The following DPH6 variants were observed in gnomAD, a reference collection of about 807,000 sequenced individuals.
DPH6 encodes diphthine--ammonia ligase.
Under a neutral mutation model 38.2 loss-of-function variants are expected in DPH6, and 33 were observed. That is an observed-to-expected ratio of 0.86 (90% CI 0.65 to 1.15). The LOEUF is 1.15. DPH6 is among the 50% of genes most tolerant of loss of function. DPH6 has a pLI of 0.00. For missense variants in DPH6, 325 were observed against 320.0 expected, an observed-to-expected ratio of 1.02 and a Z score of -0.12; for synonymous variants, 108 against 103.0, an observed-to-expected ratio of 1.05 and a Z score of -0.30.
intron 1 of DPH6, 90 bp from the exon 2 acceptor site, chr15:35,542,597 T>G (rs549199203): frequency 8.2e-7 from 1 of 1,216,624 alleles, no homozygotes; most frequent in East Asian, 2.4e-5. Flanking sequence ...AACATATCAT[T>G]TACTTGACTC....
intron 3 of DPH6, among the ~76,000 whole-genome samples, chr15:35,476,654 A>G (rs1422623525): frequency 6.6e-6 from 1 of 151,822 alleles, no homozygotes; most frequent in Non-Finnish European, 1.5e-5. Context: ...CTTCATGATT[A>G]CAAACTCATC....
chr15:35,259,951 C>A (rs1380726168), intron 3 of DPH6, among the ~76,000 whole-genome samples: 1 of 152,070 alleles, frequency 6.6e-6, no homozygotes, highest in Admixed American at 6.5e-5. Context: ...GACATAAGAC[C>A]TACATAAAGC....
chr15:35,261,881 A>G (rs192838614), intron 3 of DPH6, among the ~76,000 whole-genome samples: 48 of 152,280 alleles, frequency 3.2e-4, no homozygotes, highest in Admixed American at 2.9e-3. Context: ...AAAGAATGGA[A>G]ATTTTAAGTT....
chr15:35,261,587 C>G (rs1359596308), intron 3 of DPH6, among the ~76,000 whole-genome samples: 2 of 151,930 alleles, frequency 1.3e-5, no homozygotes, highest in Admixed American at 1.3e-4. Flanking sequence ...AATCCCAACA[C>G]TTTGGGAGGC....
intron 3 of DPH6, among the ~76,000 whole-genome samples, chr15:35,303,056 T>C (rs902704908): frequency 6.6e-6 from 1 of 152,034 alleles, no homozygotes; most frequent in African/African-American, 2.4e-5. Context: ...CCCCAAAGGG[T>C]TGAGTTTCCT....
chr15:35,198,047 G>A, the DPH6 span, among the ~76,000 whole-genome samples: 2 of 151,682 alleles, frequency 1.3e-5, no homozygotes, highest in Non-Finnish European at 2.9e-5. Context: ...AAAACAACAA[G>A]CAAAACTAAT....
At chr15:35,233,191 C>T (rs561613220) in intron 3 of DPH6, among the ~76,000 whole-genome samples, 1 of 152,200 alleles carries the variant, frequency 6.6e-6, no homozygotes, top group South Asian at 2.1e-4. Context: ...CACCTGTAAT[C>T]CCAGCTACTC....
At chr15:35,295,819 T>C (rs561194430) in intron 3 of DPH6, among the ~76,000 whole-genome samples, 39 of 152,280 alleles carry the variant, frequency 2.6e-4, no homozygotes, top group African/African-American at 9.4e-4. Flanking sequence ...TTGAATGAAG[T>C]CAGGTAAATA....
chr15:35,259,634 C>T (rs979205217), intron 3 of DPH6, among the ~76,000 whole-genome samples: 7 of 152,212 alleles, frequency 4.6e-5, no homozygotes, highest in Admixed American at 1.3e-4. Context: ...ATGTTTACTA[C>T]ACAGAATGCA....
At chr15:35,193,522 T>C in the DPH6 span, among the ~76,000 whole-genome samples, 4 of 152,164 alleles carry the variant, frequency 2.6e-5, no homozygotes, top group African/African-American at 9.6e-5. Context: ...TAGATGCTCA[T>C]GGCAGTTGTT....
chr15:35,145,348 T>C, the DPH6 span, among the ~76,000 whole-genome samples: 15 of 152,356 alleles, frequency 9.8e-5, no homozygotes, highest in African/African-American at 3.4e-4. Flanking sequence ...TTTACTTTCC[T>C]AGTGTCCTTT....
intron 3 of DPH6, among the ~76,000 whole-genome samples, chr15:35,336,050 C>G (rs1595485190): frequency 6.6e-6 from 1 of 151,822 alleles, no homozygotes; most frequent in Non-Finnish European, 1.5e-5. Context: ...CCTCTGATTT[C>G]TTTGAGCAGT....
intron 1 of DPH6, among the ~76,000 whole-genome samples, chr15:35,545,788 G>C (rs2055339211): frequency 6.6e-6 from 1 of 152,124 alleles, no homozygotes; most frequent in Admixed American, 6.5e-5. Context: ...TCAGACGCCG[G>C]GTCGCACAGA....
intron 3 of DPH6, among the ~76,000 whole-genome samples, chr15:35,258,901 C>G (rs1258591998): frequency 6.6e-6 from 1 of 152,156 alleles, no homozygotes; most frequent in African/African-American, 2.4e-5. Context: ...GTAACCCCAG[C>G]ACTTTGGGCG....
intron 3 of DPH6, among the ~76,000 whole-genome samples, chr15:35,470,977 T>G (rs535405804): frequency 6.6e-6 from 1 of 151,784 alleles, no homozygotes; most frequent in Non-Finnish European, 1.5e-5. Flanking sequence ...GAAAAAAAAA[T>G]AGAGAAATAG....
intron 3 of DPH6, among the ~76,000 whole-genome samples, chr15:35,262,834 C>G (rs957158290): frequency 1.3e-5 from 2 of 151,364 alleles, no homozygotes; most frequent in African/African-American, 4.9e-5. Flanking sequence ...GAGATCTTTA[C>G]CAAAGTACCT....
chr15:35,243,531 A>G (rs1257375106), intron 3 of DPH6, among the ~76,000 whole-genome samples: 1 of 145,962 alleles, frequency 6.9e-6, no homozygotes, highest in African/African-American at 2.5e-5. Flanking sequence ...TTAACTGATG[A>G]CATTCCACCA....
At chr15:35,497,105 T>C (rs1003637816) in intron 3 of DPH6, among the ~76,000 whole-genome samples, 2 of 152,150 alleles carry the variant, frequency 1.3e-5, no homozygotes, top group African/African-American at 2.4e-5. Context: ...GATAGTTTAT[T>C]TGATTAATGT....
At chr15:35,436,325 G>A (rs1388599894) in intron 5 of DPH6, among the ~76,000 whole-genome samples, 1 of 151,492 alleles carries the variant, frequency 6.6e-6, no homozygotes, top group African/African-American at 2.4e-5. Flanking sequence ...AATTAGCTGG[G>A]CGTGGTGGTG....
Sources: gnomAD v4.1 joint callset for allele counts (sites outside exome capture counted in the v4.1 genomes callset) on GRCh38, gnomAD v4.1.1 for gene constraint, MANE v1.5 for transcripts, NCBI Gene and HGNC (gene_info 2026-07-23, HGNC 2026-07-21) for gene names.